NRXN3: variants seen among roughly 807,000 people sequenced by gnomAD.
The protein encoded by NRXN3 is neurexin III.
In NRXN3, 32 loss-of-function variants were observed where a neutral mutation model predicts 137.6. The observed-to-expected ratio is 0.23, with a 90% CI of 0.18 to 0.31. The LOEUF (loss-of-function observed/expected upper bound fraction) is 0.31, where lower values mean the gene tolerates loss of function less well. Ranked by LOEUF, NRXN3 falls within the 10% of genes least tolerant of loss-of-function variation. The pLI is 1.00. For synonymous variants in NRXN3, 798 were observed against 784.5 expected, an observed-to-expected ratio of 1.02 and a Z score of -0.29; for missense variants, 1,574 against 2,062.5, an observed-to-expected ratio of 0.76 and a Z score of 4.59.
At chr14:79,055,251 T>C (rs369736353) in intron 15 of NRXN3, among the ~76,000 whole-genome samples, 2 of 152,206 alleles carry the variant, frequency 1.3e-5, no homozygotes, top group African/African-American at 4.8e-5. Flanking sequence ...ATGGTAATAG[T>C]ATACTCCATT....
rs577868810 is a variant in NRXN3, at chr14:79,535,702, AC to A, written c.3444+68301del. ...GTGGTGAAAGGTATCCATCAGTATC[AC>A]TTGAGGAAACTGAAGCTCACGGAGG... On this transcript the variant is annotated intron_variant, in intron 16 of 20. Coordinates refer to ENST00000335750, the MANE Select transcript of NRXN3 (RefSeq NM_001330195.2). Among the ~76,000 whole-genome samples, 29 of 152,254 alleles carry A rather than the reference AC, an allele frequency of 1.9e-4. No homozygotes were observed. The South Asian group carries it at 5.4e-3, about 28-fold the overall frequency.
chr14:79,595,115 G>GAAAGT (rs1188263903), intron 16 of NRXN3, among the ~76,000 whole-genome samples: 4 of 152,176 alleles, frequency 2.6e-5, no homozygotes, highest in African/African-American at 9.7e-5. Context: ...TTCAGTTGCA[G>GAAAGT]AAAGTATTGG....
intron 8 of NRXN3, among the ~76,000 whole-genome samples, chr14:78,716,877 C>T (rs949773070): frequency 6.6e-6 from 1 of 152,070 alleles, no homozygotes; most frequent in Non-Finnish European, 1.5e-5. Context: ...AGTCAGCAAC[C>T]ACCAGAACAG....
intron 16 of NRXN3, among the ~76,000 whole-genome samples, chr14:79,609,603 A>G (rs1378493716): frequency 2.0e-5 from 3 of 152,162 alleles, no homozygotes; most frequent in African/African-American, 7.2e-5. Flanking sequence ...AAGACTGATT[A>G]TTTACTAGGC....
Position 78,419,948 on chromosome 14 carries a change from C to T in NRXN3, c.757+122088C>T, listed in dbSNP as rs1048637717. On this transcript the variant is annotated intron_variant, in intron 4 of 20. Transcript: ENST00000335750. The stretch of plus-strand genomic sequence containing the variant: ...ATATATCTGTGTGCACGTGTGTGCG[C>T]GCGCGCGCGCACGCACACACACACA... 2.7e-3 allele frequency among the ~76,000 whole-genome samples: 17 copies of T among 6,404 alleles called. No homozygotes were observed. In the South Asian group the frequency reaches 0.1, roughly 38 times the overall value. The allele number at this position is 6,404 out of a possible 152,430, so 4.2% of individuals were successfully genotyped here.
In NRXN3 at chr14:78,365,106, A is replaced by T. The variant is rs1452980200; in HGVS notation, c.757+67246A>T. On this transcript the variant is annotated intron_variant, in intron 4 of 20. Coordinates refer to ENST00000335750, the MANE Select transcript of NRXN3 (RefSeq NM_001330195.2). Reference sequence around the variant, plus strand: ...CATTCTTTTTACATTTTATATTTTGATGTAGGTTTTATAGTTAATGTAATG... The same window carrying T: ...CATTCTTTTTACATTTTATATTTTGTTGTAGGTTTTATAGTTAATGTAATG... Among the ~76,000 whole-genome samples, 2 of 152,010 alleles carry T rather than the reference A, an allele frequency of 1.3e-5. 1 individual carries two copies. Among genetic ancestry groups the T allele is most frequent in the African/African-American group, 4.8e-5 (2 of 41,368 alleles).
intron 16 of NRXN3, among the ~76,000 whole-genome samples, chr14:79,580,958 G>C (rs1037718228): frequency 5.3e-5 from 8 of 151,962 alleles, no homozygotes; most frequent in Non-Finnish European, 7.4e-5. Context: ...TTATTTCCAA[G>C]TCTGTAGAAT....
At chr14:79,358,607 GAGAA>G (rs751796019) in intron 15 of NRXN3, among the ~76,000 whole-genome samples, 3,421 of 79,848 alleles carry the variant, frequency 0.043, 123 homozygotes, top group African/African-American at 0.077. Flanking sequence ...AAGAAAGAAA[GAGAA>G]AGAAAGAAAG....
intron 4 of NRXN3, among the ~76,000 whole-genome samples, chr14:78,360,848 G>C (rs569237266): frequency 1.3e-5 from 2 of 152,280 alleles, no homozygotes; most frequent in South Asian, 4.1e-4. Flanking sequence ...AATTGCTCCT[G>C]ATGCAGTTAC....
At chr14:78,507,734 G>A (rs2096020632) in intron 4 of NRXN3, among the ~76,000 whole-genome samples, 2 of 152,270 alleles carry the variant, frequency 1.3e-5, no homozygotes, top group East Asian at 3.9e-4. Flanking sequence ...ATTGATTGCA[G>A]TGGTCAAGTC....
intron 15 of NRXN3, among the ~76,000 whole-genome samples, chr14:79,256,887 ATG>A (rs1404175663): frequency 6.6e-6 from 1 of 152,136 alleles, no homozygotes; most frequent in Non-Finnish European, 1.5e-5. Flanking sequence ...CTGTGTGCAC[ATG>A]TGTGTGTGCA....
chr14:79,068,419 T>G (rs1402422087), intron 15 of NRXN3, among the ~76,000 whole-genome samples: 1 of 152,030 alleles, frequency 6.6e-6, no homozygotes, highest in Non-Finnish European at 1.5e-5. Context: ...ACATGCTGAG[T>G]CAAAGGCAAA....
chr14:78,506,308 A>AG (rs1567787385), intron 4 of NRXN3, among the ~76,000 whole-genome samples: 1 of 152,156 alleles, frequency 6.6e-6, no homozygotes, highest in African/African-American at 2.4e-5. Context: ...CTTTTAAAAA[A>AG]CTAAATAATA....
chr14:79,316,778 G>A (rs528562316), intron 15 of NRXN3, among the ~76,000 whole-genome samples: 2 of 149,410 alleles, frequency 1.3e-5, no homozygotes, highest in African/African-American at 5.1e-5. Context: ...AATTCTGGGG[G>A]TGTAGTAGTC....
chr14:78,771,110 G>T (rs1208315955), intron 8 of NRXN3, among the ~76,000 whole-genome samples: 3 of 152,152 alleles, frequency 2.0e-5, no homozygotes, highest in Admixed American at 2.0e-4. Flanking sequence ...TGCTAATTGT[G>T]CAGAACCCCT....
chr14:78,704,551 T>G (rs2098325947), intron 6 of NRXN3, among the ~76,000 whole-genome samples: 1 of 152,138 alleles, frequency 6.6e-6, no homozygotes, highest in African/African-American at 2.4e-5. Context: ...GCTTTGCACA[T>G]CAAGATGGAC....
chr14:78,713,507 C>T (rs1470666529), intron 7 of NRXN3, among the ~76,000 whole-genome samples: 2 of 152,324 alleles, frequency 1.3e-5, no homozygotes, highest in East Asian at 1.9e-4. Context: ...GCACACCACC[C>T]ATTTTACTCT....
intron 4 of NRXN3, among the ~76,000 whole-genome samples, chr14:78,390,954 C>T (rs2090672693): frequency 6.6e-6 from 1 of 152,086 alleles, no homozygotes; most frequent in Non-Finnish European, 1.5e-5. Context: ...CCCGACAGGC[C>T]CCAGTGAGTG....
At chr14:79,466,498 G>A (rs907680312) in intron 15 of NRXN3, among the ~76,000 whole-genome samples, 1 of 152,126 alleles carries the variant, frequency 6.6e-6, no homozygotes, top group African/African-American at 2.4e-5. Flanking sequence ...TAAGGCAGGA[G>A]AATTGCTTGA....
Sources: allele counts gnomAD v4.1 joint callset (sites outside exome capture counted in the v4.1 genomes callset), GRCh38; gene constraint gnomAD v4.1.1; transcripts MANE v1.5; gene names NCBI Gene and HGNC (gene_info 2026-07-23, HGNC 2026-07-21).